Variants in RHBDL2 observed in about 807,000 individuals in gnomAD.
The protein encoded by RHBDL2 is rhomboid-related protein 2.
A neutral mutation model predicts 31.7 loss-of-function variants in RHBDL2; 26 were observed. The ratio of observed to expected loss-of-function variants is 0.82; its 90% confidence interval spans 0.60 to 1.14. The LOEUF is 1.14. RHBDL2 is among the 50% of genes most tolerant of loss of function. RHBDL2 has a pLI of 0.00. For missense variants in RHBDL2, 336 were observed against 364.4 expected (o/e 0.92, Z 0.63); for synonymous variants, 123 against 127.2 (o/e 0.97, Z 0.22).
intron 3 of RHBDL2, among the ~76,000 whole-genome samples, chr1:38,912,963 CGTGT>C (rs146456884): frequency 7.1e-5 from 8 of 112,270 alleles, no homozygotes; most frequent in South Asian, 2.9e-4. Flanking sequence ...TACATATACA[CGTGT>C]GTGTGTGTGT....
chr1:38,929,540 G>GT (rs1348301681), intron 1 of RHBDL2: 4 of 1,289,354 alleles, frequency 3.1e-6, no homozygotes. Flanking sequence ...TATCTGAATT[G>GT]TTTTTTCTAA....
At position 38,886,449 on chromosome 1, in the gene RHBDL2, T is replaced by A; in HGVS notation, c.*55A>T. The A allele has an allele frequency of 7.5e-7, 1 of 1,335,562 alleles. No individual in the cohort carries two copies. The highest frequency in any genetic ancestry group is 1.0e-6 in the Non-Finnish European group (1 of 995,512). 82.7% of individuals were successfully genotyped at this position (1,335,562 alleles called of 1,614,324 possible). A position where few individuals can be genotyped will look rare whatever the true frequency, so the allele number is the denominator to read the frequency against. ...TGTTTCTTCATAGAGTCTTCCTTTT[T>A]TTTTTATTTCCTCCAGATGGCTCTT... On this transcript the variant is annotated 3_prime_UTR_variant, in exon 8 of 8. Coordinates refer to ENST00000372990, the MANE Select transcript of RHBDL2 (RefSeq NM_017821.5).
At chr1:38,915,936 G>A (rs543312836) in intron 2 of RHBDL2, among the ~76,000 whole-genome samples, 1 of 152,286 alleles carries the variant, frequency 6.6e-6, no homozygotes, top group Admixed American at 6.5e-5. Context: ...ACATTGTAAG[G>A]AAGACTTTCT....
chr1:38,902,992 T>A (rs74783469), intron 4 of RHBDL2, among the ~76,000 whole-genome samples: 77 of 152,272 alleles, frequency 5.1e-4, no homozygotes, highest in African/African-American at 1.7e-3. Context: ...ACAGACAACA[T>A]AATAATCTAT....
chr1:38,913,303 G>A (rs2124329102), intron 3 of RHBDL2, among the ~76,000 whole-genome samples: 1 of 151,854 alleles, frequency 6.6e-6, no homozygotes, highest in Non-Finnish European at 1.5e-5. Context: ...ATACTGTACT[G>A]CCTTACATTG....
At chr1:38,909,001 C>G (rs1643105610) in intron 4 of RHBDL2, among the ~76,000 whole-genome samples, 1 of 152,156 alleles carries the variant, frequency 6.6e-6, no homozygotes, top group African/African-American at 2.4e-5. Context: ...ACTCGGCAGC[C>G]CGGGATCTCC....
chr1:38,912,910 A>ATATATATATGTG (rs1399583863), intron 3 of RHBDL2, among the ~76,000 whole-genome samples: 33 of 41,366 alleles, frequency 8.0e-4, no homozygotes, highest in African/African-American at 2.9e-3. Context: ...ATATATATAT[A>ATATATATATGTG]TGTGTGTGTG....
intron 4 of RHBDL2, among the ~76,000 whole-genome samples, 189 bp from the exon 5 acceptor site, chr1:38,896,258 A>G (rs1275720436): frequency 6.6e-6 from 1 of 152,224 alleles, no homozygotes; most frequent in African/African-American, 2.4e-5. Flanking sequence ...TTCTGAAAAC[A>G]TGGAATGTTC....
At chr1:38,918,251 A>G (rs1643264513) in intron 2 of RHBDL2, among the ~76,000 whole-genome samples, 1 of 152,264 alleles carries the variant, frequency 6.6e-6, no homozygotes, top group South Asian at 2.1e-4. Context: ...TCAGTGCATC[A>G]GTGGGAACTA....
intron 3 of RHBDL2, among the ~76,000 whole-genome samples, chr1:38,912,937 TGTGTGTGTGTGTATTTACATATACAC>T (rs1643174624): frequency 7.9e-6 from 1 of 126,500 alleles, no homozygotes; most frequent in African/African-American, 3.3e-5. Flanking sequence ...TGTGTGTGTG[TGTGTGTGTGTGTATTTACATATACAC>T]GTGTGTGTGT....
chr1:38,895,869 C>T (rs1185897944), intron 5 of RHBDL2, 100 bp downstream of exon 5: 18 of 723,302 alleles, frequency 2.5e-5, no homozygotes, highest in African/African-American at 2.2e-4. Flanking sequence ...AAATTGAGTG[C>T]TCAGTAAATA....
chr1:38,886,311 A>G lies in RHBDL2; in HGVS notation c.*193T>C. 2.7e-6 allele frequency: 1 copy of G among 375,728 alleles called. No homozygotes were observed. The highest frequency in any genetic ancestry group is 4.7e-6 in the Non-Finnish European group (1 of 212,922). 23.3% of individuals were successfully genotyped at this position (375,728 alleles called of 1,614,324 possible). A position where few individuals can be genotyped will look rare whatever the true frequency, so the allele number is the denominator to read the frequency against. ...TCTCTTCTTCTTCCCTTTCTACATT[A>G]AGAAGCCCCTTCCTTAAATCCTAAG... On this transcript the variant is annotated 3_prime_UTR_variant, in exon 8 of 8. Coordinates refer to ENST00000372990, the MANE Select transcript of RHBDL2 (RefSeq NM_017821.5).
chr1:38,893,304 CT>C (rs758242370), intron 5 of RHBDL2, 80 bp from the exon 6 acceptor site: 1 of 649,636 alleles, frequency 1.5e-6, no homozygotes. Flanking sequence ...TTCATCTGCT[CT>C]TCATTTGAAA....
At chr1:38,920,607 C>CTTTTTTTTTT (rs547790628) in intron 1 of RHBDL2, among the ~76,000 whole-genome samples, 2 of 129,050 alleles carry the variant, frequency 1.5e-5, no homozygotes, top group East Asian at 2.3e-4. Context: ...CAAGTTTTCT[C>CTTTTTTTTTT]TTTTTTTTTT....
intron 1 of RHBDL2, 152 bp from the exon 2 acceptor site, chr1:38,919,489 T>C: frequency 2.1e-6 from 1 of 485,186 alleles, no homozygotes; most frequent in South Asian, 5.0e-5. Context: ...TAAGTTAACA[T>C]CAGATAAATC....
At chr1:38,934,732 C>T (rs960672042) in intron 1 of RHBDL2, among the ~76,000 whole-genome samples, 1 of 136,760 alleles carries the variant, frequency 7.3e-6, no homozygotes, top group Admixed American at 7.4e-5. Context: ...CCGAGGCGGG[C>T]AGATCACGAG....
At chr1:38,934,957 CA>C (rs34194396) in intron 1 of RHBDL2, among the ~76,000 whole-genome samples, 32,182 of 148,480 alleles carry the variant, frequency 0.22, 4,162 homozygotes, top group East Asian at 0.49. Context: ...GGCTCAGTCG[CA>C]AAAAAAAAAA....
chr1:38,938,294 C>G (rs1557626079), intron 1 of RHBDL2, among the ~76,000 whole-genome samples: 1 of 152,184 alleles, frequency 6.6e-6, no homozygotes, highest in South Asian at 2.1e-4. Context: ...GGATTAGAGG[C>G]GTGAGCCACC....
intron 1 of RHBDL2, chr1:38,926,209 C>A (rs1194309875): frequency 2.7e-6 from 3 of 1,103,226 alleles, no homozygotes; most frequent in African/African-American, 3.3e-5. Flanking sequence ...GGAAAAAATT[C>A]TTTACAGTGG....
Sources: allele counts gnomAD v4.1 joint callset (sites outside exome capture counted in the v4.1 genomes callset), GRCh38; gene constraint gnomAD v4.1.1; transcripts MANE v1.5; gene names NCBI Gene and HGNC (gene_info 2026-07-23, HGNC 2026-07-21).